The following HMCN2 variants were observed in gnomAD, a reference collection of about 807,000 sequenced individuals.
The protein encoded by HMCN2 is hemicentin-2.
In HMCN2, 325 loss-of-function variants were observed where a neutral mutation model predicts 377.5. That is an observed-to-expected ratio of 0.86 (90% CI 0.79 to 0.94). The LOEUF (loss-of-function observed/expected upper bound fraction) is 0.94. HMCN2 is among the 40% of genes least tolerant of loss of function. HMCN2 has a pLI of 0.00. For missense variants in HMCN2, 4,543 were observed against 4,725.3 expected, an observed-to-expected ratio of 0.96 and a Z score of 1.13; for synonymous variants, 2,007 against 2,046.8, an observed-to-expected ratio of 0.98 and a Z score of 0.53.
At chr9:130,339,406 C>T (rs1380720628) in intron 23 of HMCN2, among the ~76,000 whole-genome samples, 1 of 152,176 alleles carries the variant, frequency 6.6e-6, no homozygotes, top group Non-Finnish European at 1.5e-5. Flanking sequence ...CCCCATTTTA[C>T]AGGTGGACAA....
At chr9:130,373,673 A>G (rs1841189457) in intron 48 of HMCN2, among the ~76,000 whole-genome samples, 1 of 138,398 alleles carries the variant, frequency 7.2e-6, no homozygotes, top group African/African-American at 2.6e-5. Context: ...GGGTGGATGG[A>G]TGGATGGATG....
chr9:130,291,290 A>G (rs1835747757), intron 4 of HMCN2, among the ~76,000 whole-genome samples: 1 of 152,152 alleles, frequency 6.6e-6, no homozygotes, highest in South Asian at 2.1e-4. Context: ...GCTCACTGCA[A>G]ACTCTGCCTC....
At chr9:130,384,293 T>C in intron 57 of HMCN2, 80 bp from the exon 58 acceptor site, 3 of 1,165,916 alleles carry the variant, frequency 2.6e-6, no homozygotes, top group Non-Finnish European at 3.3e-6. Context: ...TGGGTGAGGC[T>C]CAGGGTTTCT....
intron 71 of HMCN2, 95 bp downstream of exon 71, chr9:130,395,442 G>A: frequency 9.0e-7 from 1 of 1,105,166 alleles, no homozygotes; most frequent in Non-Finnish European, 1.2e-6. Flanking sequence ...CGGGTGCCAA[G>A]GGCCCGCTCT....
chr9:130,425,965 T>G, intron 90 of HMCN2, 41 bp downstream of exon 90: 1 of 1,448,162 alleles, frequency 6.9e-7, no homozygotes, highest in South Asian at 1.2e-5. Flanking sequence ...CTGCCCCAGC[T>G]AAAACCTGCC....
chr9:130,411,763 C>T (rs1365766040), intron 85 of HMCN2, among the ~76,000 whole-genome samples: 1 of 152,060 alleles, frequency 6.6e-6, no homozygotes, highest in African/African-American at 2.4e-5. Context: ...TGGCCAAAAG[C>T]ATAGAGACCC....
Position 130,349,050 on chromosome 9 carries a change from G to C in HMCN2, c.4222G>C (p.Glu1408Gln), listed in dbSNP as rs1181684283. ...GQSLHFPRIQ[E>Q]GDSGLYSCRA... Reference sequence around the variant, plus strand: ...GTCCCTCCACTTCCCCAGGATCCAGGAGGGTGATTCTGGGCTCTACTCCTG... The same window carrying C: ...GTCCCTCCACTTCCCCAGGATCCAGCAGGGTGATTCTGGGCTCTACTCCTG... The change falls in exon 28 of 98, where the codon GAG (glutamate) becomes CAG (glutamine). Residue 1408 changes from glutamate to glutamine, a missense_variant. Around this residue, in one of 5 missense-constraint regions of HMCN2, gnomAD observed 1,032 missense variants for 1,285.1 expected, o/e 0.80. Coordinates refer to ENST00000683500, the MANE Select transcript of HMCN2 (RefSeq NM_001291815.2). 2.3e-6 allele frequency: 3 copies of C among 1,304,104 alleles called. No individual in the cohort carries two copies. Among genetic ancestry groups the C allele is most frequent in the Non-Finnish European group, 3.0e-6 (3 of 988,928 alleles). The allele number at this position is 1,304,104 out of a possible 1,614,324, so 80.8% of individuals were successfully genotyped here. A position where few individuals can be genotyped will look rare whatever the true frequency, so the allele number is the denominator to read the frequency against.
In HMCN2 at chr9:130,393,235, A is replaced by T; in HGVS notation, c.10160A>T (p.Asp3387Val). The change falls in exon 67 of 98, where the codon GAC (aspartate) becomes GTC (valine). Residue 3387 changes from aspartate to valine, a missense_variant. Asp to Val is a radical substitution (Grantham distance 152). Transcript: ENST00000683500. This position sits in a 1 kb window ranked among gnomAD's most constrained non-coding sequence, Gnocchi z 5.2. ...AGGATTTCCAAGGTGCAATTGGCAG[A>T]CGCTGGCATCTTCACCTGTGTGGCC... is the stretch of plus-strand genomic sequence containing the variant. ...TLRISKVQLA[D>V]AGIFTCVAAS... The T allele has an allele frequency of 1.0e-6, 1 of 988,300 alleles. No individual in the cohort carries two copies. Among genetic ancestry groups the T allele is most frequent in the Non-Finnish European group, 1.2e-6 (1 of 830,334 alleles). The allele number at this position is 988,300 out of a possible 1,614,324, so 61.2% of individuals were successfully genotyped here. A position where few individuals can be genotyped will look rare whatever the true frequency, so the allele number is the denominator to read the frequency against.
intron 15 of HMCN2, among the ~76,000 whole-genome samples, chr9:130,317,227 C>A (rs1449902093): frequency 6.6e-6 from 1 of 152,136 alleles, no homozygotes; most frequent in East Asian, 1.9e-4. Context: ...AAGCTGTGAC[C>A]TTGGGCAGGT....
intron 4 of HMCN2, 80 bp from the exon 5 acceptor site, chr9:130,294,775 T>G: frequency 2.8e-6 from 1 of 352,786 alleles, no homozygotes; most frequent in South Asian, 2.2e-5. Flanking sequence ...CCTGGAAAGT[T>G]TGTATGCTGC....
rs1316591232 is a variant in HMCN2 at position 130,351,643 on chromosome 9, G to A, written c.4585+66G>A. 10 of 1,242,802 alleles carry A rather than the reference G, an allele frequency of 8.0e-6. No individual in the cohort carries two copies. In the South Asian group the frequency reaches 1.1e-4, roughly 13 times the overall value. 77.0% of individuals were successfully genotyped at this position (1,242,802 alleles called of 1,614,324 possible). ...CAGGAAGCTTCCCACCCAGCTGCCCGCTGCCTTAGAGGGAGAGTGAGGGCT... is the reference window on the plus strand; with the variant it reads ...CAGGAAGCTTCCCACCCAGCTGCCCACTGCCTTAGAGGGAGAGTGAGGGCT... On this transcript the variant is annotated intron_variant, in intron 30 of 97. Transcript: ENST00000683500. This position sits in a 1 kb window ranked among gnomAD's most constrained non-coding sequence, Gnocchi z 5.4.
In HMCN2 at chr9:130,427,591, C is replaced by T; in HGVS notation, c.14037C>T (p.Ala4679=). ...CCTGCACCTGCCCCACTGGCTTCGCCCTGGCCTGGGATGACAGGAACTGCA... is the reference window on the plus strand; with the variant it reads ...CCTGCACCTGCCCCACTGGCTTCGCTCTGGCCTGGGATGACAGGAACTGCA... ...RFSCTCPTGF[A]LAWDDRNCRD... is the part of the protein sequence containing the mutation. Residue 4679 remains alanine, a synonymous_variant, in exon 92 of 98, where the codon GCC becomes GCT. Coordinates refer to ENST00000683500, the MANE Select transcript of HMCN2 (RefSeq NM_001291815.2). 1 of 1,550,442 alleles carries T rather than the reference C, an allele frequency of 6.4e-7. No homozygotes were observed. The highest frequency in any genetic ancestry group is 8.7e-7 in the Non-Finnish European group (1 of 1,146,974).
intron 41 of HMCN2, 86 bp from the exon 42 acceptor site, chr9:130,365,545 G>C (rs573951247): frequency 8.0e-6 from 5 of 627,202 alleles, no homozygotes; most frequent in African/African-American, 5.9e-5. Flanking sequence ...GCAAGGTCAC[G>C]TGACATGTCT....
Position 130,413,948 on chromosome 9 carries a change from T to C in HMCN2, c.12961+3296T>C, listed in dbSNP as rs138629754. ...ATCGCTTGAGCTCAGGAATTTGATA[T>C]CATCCTGGGCAATATGGTGAAACCC... On this transcript the variant is annotated intron_variant, in intron 85 of 97. Transcript: ENST00000683500. Among the ~76,000 whole-genome samples the C allele has an allele frequency of 8.8e-3, 1,295 of 147,248 alleles. 21 individuals carry two copies. Among genetic ancestry groups the C allele is most frequent in the African/African-American group, 0.031 (1,232 of 39,566 alleles).
chr9:130,355,891 G>C, intron 33 of HMCN2, 37 bp downstream of exon 33: 5 of 1,191,176 alleles, frequency 4.2e-6, no homozygotes, highest in Non-Finnish European at 5.6e-6. Flanking sequence ...GCTGGGGGTA[G>C]GCAGAGAGCG....
At chr9:130,431,203 G>T in intron 95 of HMCN2, 164 bp from the exon 96 acceptor site, 1 of 693,786 alleles carries the variant, frequency 1.4e-6, no homozygotes, top group Non-Finnish European at 2.4e-6. Flanking sequence ...CAAGCACAGG[G>T]ACTCCCCCAA....
At chr9:130,430,642 T>A in intron 95 of HMCN2, 38 bp downstream of exon 95, 5 of 1,506,386 alleles carry the variant, frequency 3.3e-6, no homozygotes, top group Non-Finnish European at 4.5e-6. Flanking sequence ...GACACTGCCG[T>A]TATGGGCTCT....
At chr9:130,321,474 C>T (rs1476018155) in intron 18 of HMCN2, among the ~76,000 whole-genome samples, 2 of 152,116 alleles carry the variant, frequency 1.3e-5, no homozygotes, top group East Asian at 3.9e-4. Flanking sequence ...GGTGCCTTCC[C>T]AACTCTGCAT....
At chr9:130,275,072 G>A (rs561048816) in intron 1 of HMCN2, among the ~76,000 whole-genome samples, 2 of 152,330 alleles carry the variant, frequency 1.3e-5, no homozygotes, top group Admixed American at 6.5e-5. Context: ...CTGGACCCAC[G>A]GAAGATGAGA....
Sources: allele counts gnomAD v4.1 joint callset (sites outside exome capture counted in the v4.1 genomes callset), GRCh38; gene constraint gnomAD v4.1.1; regional missense constraint gnomAD v4.1.1; non-coding constraint Gnocchi (gnomAD v3.1); transcripts MANE v1.5; gene names NCBI Gene and HGNC (gene_info 2026-07-23, HGNC 2026-07-21).